SCFD2: variants seen among roughly 807,000 people sequenced by gnomAD.
SCFD2 encodes sec1 family domain containing 2, also known as sec1 family domain-containing protein 2.
In SCFD2, 54 loss-of-function variants were observed where a neutral mutation model predicts 58.9. The observed-to-expected ratio is 0.92, with a 90% CI of 0.74 to 1.15. The LOEUF is 1.15. Among genes scored for constraint, SCFD2 ranks in the 50% most tolerant of loss-of-function variants. The pLI, the probability that SCFD2 is intolerant of heterozygous loss-of-function variation, is 0.00. For synonymous variants in SCFD2, 321 were observed against 335.9 expected (o/e 0.96, Z 0.49); for missense variants, 805 against 836.6 (o/e 0.96, Z 0.47).
In SCFD2 at chr4:53,291,990, T is replaced by A. The variant is rs184378831; in HGVS notation, c.1136-17989A>T. Among the ~76,000 whole-genome samples, 221 of 152,068 alleles carry A rather than the reference T, an allele frequency of 1.5e-3. 1 individual carries two copies. Among genetic ancestry groups the A allele is most frequent in the African/African-American group, 4.8e-3 (198 of 41,528 alleles). On this transcript the variant is annotated intron_variant, in intron 3 of 8. Transcript: ENST00000401642. Reference sequence around the variant, plus strand: ...TACAAAAATTAATTCAAAATTTTTTTAATTTTGAATTAAATTAATTCAAAA... The same window carrying A: ...TACAAAAATTAATTCAAAATTTTTTAAATTTTGAATTAAATTAATTCAAAA...
chr4:53,052,314 T>C (rs1447404251), intron 5 of SCFD2, among the ~76,000 whole-genome samples: 1 of 152,200 alleles, frequency 6.6e-6, no homozygotes, highest in Non-Finnish European at 1.5e-5. Flanking sequence ...CCTGCTCATC[T>C]TTCAGTTCTC....
intron 5 of SCFD2, among the ~76,000 whole-genome samples, chr4:52,996,836 A>T (rs1236104055): frequency 6.6e-6 from 1 of 152,234 alleles, no homozygotes; most frequent in Non-Finnish European, 1.5e-5. Flanking sequence ...GCCAGGACAA[A>T]GGATCAACCC....
At chr4:53,206,436 A>G (rs1018872649) in intron 4 of SCFD2, among the ~76,000 whole-genome samples, 16 of 152,176 alleles carry the variant, frequency 1.1e-4, no homozygotes, top group African/African-American at 3.9e-4. Context: ...TGAATGTACA[A>G]AGCTTAAAAT....
chr4:53,045,277 G>A (rs929446091), intron 5 of SCFD2, among the ~76,000 whole-genome samples: 2 of 152,086 alleles, frequency 1.3e-5, no homozygotes, highest in African/African-American at 4.8e-5. Context: ...GTTTTATAGT[G>A]TGGATTTTTA....
At chr4:52,989,631 T>G (rs1721575630) in intron 5 of SCFD2, among the ~76,000 whole-genome samples, 1 of 152,224 alleles carries the variant, frequency 6.6e-6, no homozygotes, top group South Asian at 2.1e-4. Context: ...CTTGTTTACA[T>G]AAAATCGACA....
At chr4:53,288,096 A>T (rs936554954) in intron 3 of SCFD2, among the ~76,000 whole-genome samples, 2 of 151,772 alleles carry the variant, frequency 1.3e-5, no homozygotes, top group African/African-American at 4.8e-5. Context: ...AATAAACTAT[A>T]AAAAAAATTA....
intron 4 of SCFD2, among the ~76,000 whole-genome samples, chr4:53,220,268 G>A (rs1193294028): frequency 1.3e-5 from 2 of 152,172 alleles, no homozygotes; most frequent in Non-Finnish European, 2.9e-5. Flanking sequence ...AGGAACACAT[G>A]CTATAGAAAA....
In SCFD2 at chr4:52,960,344, C is replaced by T. The variant is rs146385899; in HGVS notation, c.1562-39474G>A. 6.6e-4 allele frequency among the ~76,000 whole-genome samples: 100 copies of T among 151,596 alleles called. 1 individual carries two copies. Among genetic ancestry groups the T allele is most frequent in the South Asian group, 5.9e-3 (28 of 4,764 alleles). ...CCCATGGGCTGCCTGCTGATGTTTC[C>T]GCAGAGAGGCACATCTTCTTCTTCT... On this transcript the variant is annotated intron_variant, in intron 5 of 8. Transcript: ENST00000401642.
At chr4:52,930,393 AACTAGGAGAAAC>A (rs1430988624) in intron 5 of SCFD2, among the ~76,000 whole-genome samples, 1 of 152,204 alleles carries the variant, frequency 6.6e-6, no homozygotes, top group Non-Finnish European at 1.5e-5. Flanking sequence ...TAAAACCTAA[AACTAGGAGAAAC>A]ACTAGGAGAA....
chr4:52,897,791 T>G (rs533360490), intron 7 of SCFD2, among the ~76,000 whole-genome samples: 4 of 152,274 alleles, frequency 2.6e-5, no homozygotes, highest in Non-Finnish European at 5.9e-5. Flanking sequence ...GTCCTGGACT[T>G]TTTTTGGTTG....
At chr4:53,121,020 C>T (rs1179112471) in intron 5 of SCFD2, among the ~76,000 whole-genome samples, 2 of 152,234 alleles carry the variant, frequency 1.3e-5, no homozygotes, top group Non-Finnish European at 2.9e-5. Flanking sequence ...GCGGCTACTA[C>T]GTGCCATATC....
intron 4 of SCFD2, among the ~76,000 whole-genome samples, chr4:53,258,856 T>G (rs898412986): frequency 1.4e-4 from 21 of 152,162 alleles, no homozygotes; most frequent in African/African-American, 4.3e-4. Flanking sequence ...AGTATAAAAG[T>G]GTTCCCTTTT....
intron 8 of SCFD2, among the ~76,000 whole-genome samples, chr4:52,881,177 G>C (rs1404378345): frequency 6.6e-6 from 1 of 152,242 alleles, no homozygotes; most frequent in African/African-American, 2.4e-5. Flanking sequence ...TAGCAGGTGG[G>C]CATGTGGTTT....
intron 5 of SCFD2, among the ~76,000 whole-genome samples, chr4:52,975,889 T>C (rs1450980203): frequency 1.3e-5 from 2 of 151,964 alleles, no homozygotes; most frequent in East Asian, 1.9e-4. Flanking sequence ...CGGATGAAGC[T>C]GGAAACCATC....
At chr4:53,111,704 T>C (rs1204204933) in intron 5 of SCFD2, among the ~76,000 whole-genome samples, 3 of 152,146 alleles carry the variant, frequency 2.0e-5, no homozygotes, top group Non-Finnish European at 4.4e-5. Context: ...ACATTTTTCA[T>C]ATTTGAATAT....
intron 5 of SCFD2, among the ~76,000 whole-genome samples, chr4:52,967,833 T>G (rs1392542581): frequency 6.6e-6 from 1 of 152,188 alleles, no homozygotes; most frequent in Non-Finnish European, 1.5e-5. Flanking sequence ...TCTCATGCCC[T>G]GCTCTGCACA....
chr4:53,209,439 C>A (rs1449357955), intron 4 of SCFD2, among the ~76,000 whole-genome samples: 2 of 152,126 alleles, frequency 1.3e-5, no homozygotes, highest in South Asian at 2.1e-4. Flanking sequence ...AAGTTCAGCA[C>A]TAATGATCAG....
chr4:53,278,758 G>A (rs1189999648), intron 3 of SCFD2, among the ~76,000 whole-genome samples: 1 of 151,416 alleles, frequency 6.6e-6, no homozygotes, highest in Non-Finnish European at 1.5e-5. Flanking sequence ...TTTGTATGTC[G>A]TTTTTTACAC....
intron 4 of SCFD2, among the ~76,000 whole-genome samples, chr4:53,238,038 T>C (rs1257470736): frequency 2.2e-5 from 3 of 134,156 alleles, no homozygotes; most frequent in Admixed American, 1.5e-4. Context: ...ATGGGGTGGC[T>C]GGCCGGGCGG....
Sources: gnomAD v4.1 joint callset for allele counts (sites outside exome capture counted in the v4.1 genomes callset) on GRCh38, gnomAD v4.1.1 for gene constraint, MANE v1.5 for transcripts, NCBI Gene and HGNC (gene_info 2026-07-23, HGNC 2026-07-21) for gene names.